MACROD2: variants seen among roughly 807,000 people sequenced by gnomAD.
The protein encoded by MACROD2 is ADP-ribose glycohydrolase MACROD2.
MACROD2 carries 36 observed loss-of-function variants against 70.4 expected under a neutral mutation model. That is an observed-to-expected ratio of 0.51 (90% CI 0.39 to 0.68). MACROD2 has a LOEUF of 0.68. Ranked by LOEUF, MACROD2 falls within the 30% of genes least tolerant of loss-of-function variation. MACROD2 has a pLI of 0.00. For missense variants in MACROD2, 496 were observed against 538.4 expected (o/e 0.92, Z 0.78); for synonymous variants, 172 against 178.8 (o/e 0.96, Z 0.30).
chr20:14,227,040 G>A (rs1172905048), intron 3 of MACROD2, among the ~76,000 whole-genome samples: 4 of 152,222 alleles, frequency 2.6e-5, no homozygotes, highest in Non-Finnish European at 4.4e-5. Flanking sequence ...TTGGCACTCT[G>A]TATCTAGCTC....
intron 17 of MACROD2, among the ~76,000 whole-genome samples, chr20:16,047,365 C>A (rs1431974511): frequency 1.3e-5 from 2 of 152,136 alleles, no homozygotes; most frequent in South Asian, 2.1e-4. Context: ...CATAAGGATA[C>A]AACAGGGAGA....
intron 6 of MACROD2, among the ~76,000 whole-genome samples, chr20:15,272,956 C>T (rs1363369368): frequency 6.6e-6 from 1 of 152,176 alleles, no homozygotes; most frequent in Admixed American, 6.5e-5. Flanking sequence ...ATTACGTTTG[C>T]TCATGCTGTT....
chr20:15,251,339 C>T lies in MACROD2; in HGVS notation c.540+21278C>T, dbSNP rs73099497. On this transcript the variant is annotated intron_variant, in intron 6 of 17. Coordinates refer to ENST00000684519, the MANE Select transcript of MACROD2 (RefSeq NM_001351661.2). ...TGTTCATTCCTCAGTTAGAAAGCCT[C>T]AGCCTTAAATGCTCCCCAGTGCAAA... Among the ~76,000 whole-genome samples the T allele has an allele frequency of 3.6e-3, 548 of 152,274 alleles. 1 individual carries two copies. The highest frequency in any genetic ancestry group is 5.5e-3 in the Non-Finnish European group (376 of 68,020).
intron 9 of MACROD2, among the ~76,000 whole-genome samples, chr20:15,867,392 G>C (rs6110804): frequency 0.011 from 1,599 of 152,188 alleles, 19 homozygotes; most frequent in Admixed American, 0.027. Flanking sequence ...TTTATATCTT[G>C]CTGTGGGGTA....
At position 14,131,244 on chromosome 20, in the gene MACROD2, T is replaced by G. The variant is rs145621835; in HGVS notation, c.271+45516T>G. On this transcript the variant is annotated intron_variant, in intron 3 of 17. Transcript: ENST00000684519. ...GGGATAAAGAGTTGTTTTCTGAAGT[T>G]TGGCTTGAGAAAACAACTGTTTGGG... Among the ~76,000 whole-genome samples the G allele has an allele frequency of 4.3e-4, 65 of 152,350 alleles. 1 individual carries two copies. Among genetic ancestry groups the G allele is most frequent in the African/African-American group, 1.5e-3 (63 of 41,566 alleles).
At chr20:14,413,975 A>C (rs1382889213) in intron 3 of MACROD2, among the ~76,000 whole-genome samples, 1 of 152,146 alleles carries the variant, frequency 6.6e-6, no homozygotes, top group East Asian at 1.9e-4. Context: ...ATTTGATCAG[A>C]ACGGGGGATA....
intron 5 of MACROD2, among the ~76,000 whole-genome samples, chr20:14,862,009 A>T (rs1268672012): frequency 5.3e-4 from 10 of 18,834 alleles, no homozygotes; most frequent in African/African-American, 8.0e-4. Context: ...ATATATTTAT[A>T]TATATATATT....
chr20:14,690,774 A>G (rs1197044111), intron 5 of MACROD2, among the ~76,000 whole-genome samples: 1 of 152,082 alleles, frequency 6.6e-6, no homozygotes, highest in Admixed American at 6.6e-5. Flanking sequence ...TTGTTTACAT[A>G]TTGTCTATGG....
Position 14,091,190 on chromosome 20 carries a change from T to A in MACROD2, c.271+5462T>A, listed in dbSNP as rs149368207. ...TTTTTGCAAATATTTTCTCCCATTT[T>A]GTGGGTTGTCTCTTCACTTTGTTAA... is the stretch of plus-strand genomic sequence containing the variant. On this transcript the variant is annotated intron_variant, in intron 3 of 17. Transcript: ENST00000684519. Among the ~76,000 whole-genome samples the A allele has an allele frequency of 6.1e-4, 93 of 152,354 alleles. 2 individuals are homozygous for A. In the East Asian group the frequency reaches 0.013, roughly 21 times the overall value.
intron 3 of MACROD2, among the ~76,000 whole-genome samples, chr20:14,119,859 GA>G (rs892251289): frequency 2.0e-5 from 3 of 151,634 alleles, no homozygotes; most frequent in African/African-American, 7.3e-5. Context: ...AAATTTATAA[GA>G]AAAAAAATGA....
chr20:14,338,376 G>A (rs182432981), intron 3 of MACROD2, among the ~76,000 whole-genome samples: 1 of 152,126 alleles, frequency 6.6e-6, no homozygotes, highest in East Asian at 1.9e-4. Context: ...TCCAATATAT[G>A]TATATATATA....
chr20:14,022,077 T>C (rs2053090637), intron 2 of MACROD2, among the ~76,000 whole-genome samples: 1 of 152,184 alleles, frequency 6.6e-6, no homozygotes. Flanking sequence ...TTATATGTTA[T>C]AGGAAGAGGA....
intron 4 of MACROD2, among the ~76,000 whole-genome samples, chr20:14,500,093 G>T (rs1265289612): frequency 6.6e-6 from 1 of 152,214 alleles, no homozygotes; most frequent in Non-Finnish European, 1.5e-5. Context: ...GGAAGCAGAA[G>T]GTCATGATCT....
chr20:14,031,842 G>A (rs1412634250), intron 2 of MACROD2, among the ~76,000 whole-genome samples: 1 of 152,040 alleles, frequency 6.6e-6, no homozygotes, highest in Non-Finnish European at 1.5e-5. Flanking sequence ...GCACCATTGT[G>A]TCAGACATTG....
At chr20:14,874,847 G>A (rs6074810) in intron 5 of MACROD2, among the ~76,000 whole-genome samples, 113,358 of 151,322 alleles carry the variant, frequency 0.75, 43,184 homozygotes, top group East Asian at 0.95. Context: ...TGGGATTACA[G>A]GTGTGCGCCA....
intron 5 of MACROD2, among the ~76,000 whole-genome samples, chr20:14,840,086 G>A (rs1388526430): frequency 6.7e-6 from 1 of 148,306 alleles, no homozygotes; most frequent in African/African-American, 2.5e-5. Context: ...TGCCCAGGCT[G>A]GAGTGCAGTG....
chr20:14,671,611 A>G lies in MACROD2; in HGVS notation c.302-13232A>G, dbSNP rs554131605. 1.3e-4 allele frequency among the ~76,000 whole-genome samples: 20 copies of G among 152,286 alleles called. No homozygotes were observed. In the East Asian group the frequency reaches 3.9e-3, roughly 29 times the overall value. On this transcript the variant is annotated intron_variant, in intron 4 of 17. Coordinates refer to ENST00000684519, the MANE Select transcript of MACROD2 (RefSeq NM_001351661.2). ...GAATGCTAGTGTGTGATCTGTAACT[A>G]AAAACTGCTCCAGTTTCCTGATGTG...
At chr20:15,940,909 G>T (rs570771782) in intron 12 of MACROD2, among the ~76,000 whole-genome samples, 1 of 152,284 alleles carries the variant, frequency 6.6e-6, no homozygotes, top group East Asian at 1.9e-4. Flanking sequence ...AAATTTTAAA[G>T]TGTCATGAAG....
At chr20:15,167,538 C>CA (rs951612625) in intron 5 of MACROD2, among the ~76,000 whole-genome samples, 25 of 152,156 alleles carry the variant, frequency 1.6e-4, no homozygotes, top group Non-Finnish European at 2.9e-4. Context: ...AAAACCTACT[C>CA]AAAAAAATAT....
Sources: allele counts gnomAD v4.1 joint callset (sites outside exome capture counted in the v4.1 genomes callset), GRCh38; gene constraint gnomAD v4.1.1; transcripts MANE v1.5; gene names NCBI Gene and HGNC (gene_info 2026-07-23, HGNC 2026-07-21).